The following SH2D2A variants were observed in gnomAD, a reference collection of about 807,000 sequenced individuals.
SH2D2A encodes the protein SH2 domain-containing protein 2A.
Under a neutral mutation model 43.6 loss-of-function variants are expected in SH2D2A, and 33 were observed. The ratio of observed to expected loss-of-function variants is 0.76; its 90% confidence interval spans 0.57 to 1.01. The LOEUF (loss-of-function observed/expected upper bound fraction) is 1.01. Ranked by LOEUF, SH2D2A falls within the 50% of genes least tolerant of loss-of-function variation. The probability of loss-of-function intolerance (pLI) is 0.00; values close to 1 mark genes in which losing one functional copy is unlikely to be tolerated. For missense variants in SH2D2A, 491 were observed against 503.1 expected (o/e 0.98, Z 0.23); for synonymous variants, 212 against 206.1 (o/e 1.03, Z -0.25).
chr1:156,813,729 G>A, intron 5 of SH2D2A, 119 bp downstream of exon 5: 1 of 973,762 alleles, frequency 1.0e-6, no homozygotes, highest in Non-Finnish European at 1.4e-6. Context: ...AGGGAGGCAT[G>A]CCCGAGTGGT....
intron 5 of SH2D2A, 81 bp downstream of exon 5, chr1:156,813,767 C>CGCG: frequency 7.7e-7 from 1 of 1,296,372 alleles, no homozygotes; most frequent in Non-Finnish European, 9.9e-7. Context: ...TGCCTGGTGC[C>CGCG]GCGTCCTGCG....
chr1:156,814,968 A>G, intron 3 of SH2D2A, 69 bp downstream of exon 3: 1 of 1,328,110 alleles, frequency 7.5e-7, no homozygotes, highest in Non-Finnish European at 1.0e-6. Context: ...TATTCCTGGC[A>G]GGTGGCAGGA....
At position 156,807,270 on chromosome 1, in the gene SH2D2A, G is replaced by A. The variant is rs149813267; in HGVS notation, c.1078C>T (p.Pro360Ser). 2.5e-6 allele frequency: 4 copies of A among 1,592,050 alleles called. No homozygotes were observed. The South Asian group carries it at 3.4e-5, about 13-fold the overall frequency. Residue 360 changes from proline to serine, a missense_variant, in exon 8 of 9, where the codon CCC becomes TCC. Physicochemically the swap from Pro to Ser is moderately conservative, Grantham distance 74 (BLOSUM62 -1). Transcript: ENST00000368199. The surrounding 1 kb of genome is among the most constrained non-coding windows in gnomAD (Gnocchi z 5.1). ...QGPPLPHQPP[P>S]AWRHTLPHNL... ...TGGGGGAGGGTGTGTCTCCAGGCGGGTGGGGGCTGGTGGGGCAGGGGAGGG... is the reference window on the plus strand; with the variant it reads ...TGGGGGAGGGTGTGTCTCCAGGCGGATGGGGGCTGGTGGGGCAGGGGAGGG...
rs547765141 is a variant in SH2D2A, at chr1:156,809,597, C to T, written c.714+64G>A. 1.9e-6 allele frequency: 3 copies of T among 1,565,368 alleles called. No homozygotes were observed. Among genetic ancestry groups the T allele is most frequent in the Middle Eastern group, 2.1e-4 (1 of 4,848 alleles). On this transcript the variant is annotated intron_variant, in intron 6 of 8. Coordinates refer to ENST00000368199, the MANE Select transcript of SH2D2A (RefSeq NM_003975.4). The surrounding 1 kb of genome is among the most constrained non-coding windows in gnomAD (Gnocchi z 4.8). ...CTGCCCCCGCTAGGCCCCTCCTCCTCCCCGCTGCCTGCACCCCCTCGCAGG... is the reference window on the plus strand; with the variant it reads ...CTGCCCCCGCTAGGCCCCTCCTCCTTCCCGCTGCCTGCACCCCCTCGCAGG...
At chr1:156,815,634 G>T (rs755132727) in intron 2 of SH2D2A, 22 of 699,906 alleles carry the variant, frequency 3.1e-5, no homozygotes, top group Non-Finnish European at 4.7e-5. Context: ...GACCTAGTTC[G>T]CAGGGAAAAT....
chr1:156,814,533 C>T (rs1388503055), intron 3 of SH2D2A: 2 of 648,078 alleles, frequency 3.1e-6, no homozygotes, highest in African/African-American at 3.7e-5. Context: ...CCCCTGGCCT[C>T]ATCCTGAAAG....
rs901575677 is a variant in SH2D2A, at chr1:156,809,921, C to G, written c.568-114G>C. 9 of 1,248,330 alleles carry G rather than the reference C, an allele frequency of 7.2e-6. No individual in the cohort carries two copies. The highest frequency in any genetic ancestry group is 1.0e-5 in the Non-Finnish European group (9 of 888,566). 77.3% of individuals were successfully genotyped at this position (1,248,330 alleles called of 1,614,324 possible). Reference sequence around the variant, plus strand: ...GAGGATGGGGGAAGGGGGAGGAGCACAGAAATTTGGCCTGGGCTGGGTTCC... The same window carrying G: ...GAGGATGGGGGAAGGGGGAGGAGCAGAGAAATTTGGCCTGGGCTGGGTTCC... On this transcript the variant is annotated intron_variant, in intron 5 of 8. Coordinates refer to ENST00000368199, the MANE Select transcript of SH2D2A (RefSeq NM_003975.4). This position sits in a 1 kb window ranked among gnomAD's most constrained non-coding sequence, Gnocchi z 4.8.
intron 5 of SH2D2A, among the ~76,000 whole-genome samples, chr1:156,812,399 G>A (rs750066796): frequency 4.6e-5 from 7 of 151,996 alleles, no homozygotes; most frequent in Non-Finnish European, 1.0e-4. Context: ...CTCAGTCACC[G>A]GATCCACCCA....
intron 2 of SH2D2A, chr1:156,815,667 G>T: frequency 1.2e-6 from 1 of 802,840 alleles, no homozygotes; most frequent in Non-Finnish European, 2.2e-6. Flanking sequence ...AGGAGAGAAG[G>T]ACTGAGACGG....
intron 5 of SH2D2A, among the ~76,000 whole-genome samples, chr1:156,810,491 C>T (rs1653331555): frequency 6.6e-6 from 1 of 151,900 alleles, no homozygotes; most frequent in Non-Finnish European, 1.5e-5. Flanking sequence ...GTGTTTATTT[C>T]TGTACTGCCG....
chr1:156,808,290 G>A (rs1329087978), intron 7 of SH2D2A, among the ~76,000 whole-genome samples: 5 of 152,168 alleles, frequency 3.3e-5, no homozygotes, highest in Admixed American at 6.5e-5. Context: ...TAGCTGGAGA[G>A]TTAGCAATCA....
intron 5 of SH2D2A, among the ~76,000 whole-genome samples, chr1:156,810,816 C>T (rs979102331): frequency 6.6e-6 from 1 of 152,138 alleles, no homozygotes. Flanking sequence ...CCACTGCGCC[C>T]GGCCATAAGC....
In SH2D2A at chr1:156,807,945, T is replaced by C. The variant is rs146776942; in HGVS notation, c.1003-600A>G. Among the ~76,000 whole-genome samples, 346 of 152,316 alleles carry C rather than the reference T, an allele frequency of 2.3e-3. 2 individuals carry two copies. Among genetic ancestry groups the C allele is most frequent in the African/African-American group, 7.8e-3 (324 of 41,570 alleles). On this transcript the variant is annotated intron_variant, in intron 7 of 8. Coordinates refer to ENST00000368199, the MANE Select transcript of SH2D2A (RefSeq NM_003975.4). This position sits in a 1 kb window ranked among gnomAD's most constrained non-coding sequence, Gnocchi z 5.1. ...GGCAGCTGCTTCAGCAAGACCATTC[T>C]GGCTCTTTGGTGCAGAGTGGATCAG...
chr1:156,809,032 G>C lies in SH2D2A; in HGVS notation c.1002+171C>G, dbSNP rs1653190160. The stretch of plus-strand genomic sequence containing the variant: ...CTGGGGAGAAGAGGGGGCAGCCTCT[G>C]GGCCTGGAGAAGGGAGGCTGGTGCC... On this transcript the variant is annotated intron_variant, in intron 7 of 8. Transcript: ENST00000368199. This position sits in a 1 kb window ranked among gnomAD's most constrained non-coding sequence, Gnocchi z 4.8. Among the ~76,000 whole-genome samples the C allele has an allele frequency of 6.6e-6, 1 of 152,078 alleles. No individual in the cohort carries two copies. Among genetic ancestry groups the C allele is most frequent in the African/African-American group, 2.4e-5 (1 of 41,406 alleles).
chr1:156,810,765 G>A (rs1317583275), intron 5 of SH2D2A, among the ~76,000 whole-genome samples: 1 of 152,040 alleles, frequency 6.6e-6, no homozygotes, highest in Admixed American at 6.6e-5. Context: ...CAGGTGATCC[G>A]CCACTTTGGC....
At chr1:156,814,548 G>A in intron 3 of SH2D2A, 1 of 562,052 alleles carries the variant, frequency 1.8e-6, no homozygotes, top group South Asian at 2.8e-5. Context: ...TGAAAGGGCA[G>A]CCTGCAGGGG....
rs1263720305 is a variant in SH2D2A, at chr1:156,815,609, A to G, written c.124-388T>C. ...GCCAGAATGAGGGAGGGCTTACTTC[A>G]TAATATGAGGGACTGACCTAGTTCG... On this transcript the variant is annotated intron_variant, in intron 2 of 8. Transcript: ENST00000368199. 5 of 649,616 alleles carry G rather than the reference A, an allele frequency of 7.7e-6. No individual in the cohort carries two copies. In the East Asian group the frequency reaches 8.2e-5, roughly 11 times the overall value. The allele number at this position is 649,616 out of a possible 1,614,324, so 40.2% of individuals were successfully genotyped here.
intron 4 of SH2D2A, 24 bp downstream of exon 4, chr1:156,814,181 C>T: frequency 6.2e-7 from 1 of 1,612,448 alleles, no homozygotes. Flanking sequence ...CTTGTGTCGC[C>T]CGGCGCGGGG....
Position 156,809,434 on chromosome 1 carries a change from T to C in SH2D2A, c.771A>G (p.Pro257=). The part of the protein sequence containing the change: ...PPIPAKPQLP[P]EVYTIPVPRH... ...GTGGAACAGGGATTGTGTAGACTTC[T>C]GGGGGCAGCTGAGGTTTGGCGGGGA... The change falls in exon 7 of 9, where the codon CCA becomes CCG. Residue 257 remains proline (P), a synonymous_variant. Transcript: ENST00000368199. The surrounding 1 kb of genome is among the most constrained non-coding windows in gnomAD (Gnocchi z 4.8). 1 of 1,612,842 alleles carries C rather than the reference T, an allele frequency of 6.2e-7. No homozygotes were observed. The highest frequency in any genetic ancestry group is 8.5e-7 in the Non-Finnish European group (1 of 1,179,722).
Sources: allele counts gnomAD v4.1 joint callset (sites outside exome capture counted in the v4.1 genomes callset), GRCh38; gene constraint gnomAD v4.1.1; non-coding constraint Gnocchi (gnomAD v3.1); transcripts MANE v1.5; gene names NCBI Gene and HGNC (gene_info 2026-07-23, HGNC 2026-07-21).